Variants in CERS6 observed in about 807,000 individuals in gnomAD.
CERS6 encodes the protein LAG1 homolog, ceramide synthase 6.
Under a neutral mutation model 56.8 loss-of-function variants are expected in CERS6, and 26 were observed. The observed-to-expected ratio is 0.46, with a 90% CI of 0.34 to 0.63. CERS6 has a LOEUF of 0.63. Among genes scored for constraint, CERS6 ranks in the 30% least tolerant of loss-of-function variants. The pLI, the probability that CERS6 is intolerant of heterozygous loss-of-function variation, is 0.01. For missense variants in CERS6, 415 were observed against 467.5 expected, an observed-to-expected ratio of 0.89 and a Z score of 1.04; for synonymous variants, 164 against 173.3, an observed-to-expected ratio of 0.95 and a Z score of 0.42.
At chr2:168,564,583 T>C (rs1425854695) in intron 3 of CERS6, among the ~76,000 whole-genome samples, 2 of 152,216 alleles carry the variant, frequency 1.3e-5, no homozygotes, top group African/African-American at 4.8e-5. Flanking sequence ...GCTTGTTTAA[T>C]GTCAGTCACC....
intron 2 of CERS6, among the ~76,000 whole-genome samples, chr2:168,548,098 T>A (rs1358331849): frequency 6.6e-6 from 1 of 152,144 alleles, no homozygotes; most frequent in Admixed American, 6.5e-5. Context: ...TCTTGGCTTG[T>A]AGCATTGTCC....
chr2:168,465,803 T>C (rs962935469), intron 1 of CERS6, among the ~76,000 whole-genome samples: 1 of 152,182 alleles, frequency 6.6e-6, no homozygotes, highest in African/African-American at 2.4e-5. Flanking sequence ...ACAATGTGAA[T>C]GTACTTAATG....
chr2:168,704,469 G>A (rs973483644), intron 6 of CERS6, among the ~76,000 whole-genome samples: 1 of 152,022 alleles, frequency 6.6e-6, no homozygotes, highest in Non-Finnish European at 1.5e-5. Context: ...TTATAGCTCT[G>A]TCTCTCTCCC....
intron 4 of CERS6, among the ~76,000 whole-genome samples, chr2:168,686,553 G>T (rs1162886262): frequency 1.3e-5 from 2 of 151,954 alleles, no homozygotes; most frequent in Non-Finnish European, 2.9e-5. Context: ...CTGGACCTGT[G>T]GATTGTTCTG....
At chr2:168,646,126 A>G (rs972077278) in intron 4 of CERS6, among the ~76,000 whole-genome samples, 1 of 152,222 alleles carries the variant, frequency 6.6e-6, no homozygotes, top group African/African-American at 2.4e-5. Flanking sequence ...ACTGCTTTCC[A>G]CAATGGTTTA....
At position 168,667,951 on chromosome 2, in the gene CERS6, T is replaced by C. The variant is rs565482876; in HGVS notation, c.466-23083T>C. ...AGTCATGTGTGACTTGAGCATAATATTTGTATTTGGTGGGGCCTTGTAGGC... is the reference window on the plus strand; with the variant it reads ...AGTCATGTGTGACTTGAGCATAATACTTGTATTTGGTGGGGCCTTGTAGGC... On this transcript the variant is annotated intron_variant, in intron 4 of 9. Coordinates refer to ENST00000305747, the MANE Select transcript of CERS6 (RefSeq NM_203463.3). Among the ~76,000 whole-genome samples, 46 of 152,272 alleles carry C rather than the reference T, an allele frequency of 3.0e-4. 1 individual carries two copies. The South Asian group carries it at 5.4e-3, about 18-fold the overall frequency.
intron 1 of CERS6, among the ~76,000 whole-genome samples, chr2:168,486,820 T>C (rs1694285246): frequency 6.6e-6 from 1 of 152,190 alleles, no homozygotes; most frequent in Non-Finnish European, 1.5e-5. Context: ...CCTCCAAACA[T>C]TCCTTGTGAC....
chr2:168,767,126 A>G (rs1478251253), intron 9 of CERS6, among the ~76,000 whole-genome samples: 2 of 152,314 alleles, frequency 1.3e-5, no homozygotes, highest in South Asian at 2.1e-4. Context: ...TGCTATTTCT[A>G]CCAGACTTGT....
At chr2:168,620,614 G>T (rs959737157) in intron 3 of CERS6, among the ~76,000 whole-genome samples, 1 of 152,056 alleles carries the variant, frequency 6.6e-6, no homozygotes, top group Non-Finnish European at 1.5e-5. Context: ...ATTGTTAATA[G>T]ATATGGATTT....
intron 8 of CERS6, among the ~76,000 whole-genome samples, chr2:168,748,769 G>A (rs758175757): frequency 8.0e-5 from 12 of 149,304 alleles, no homozygotes; most frequent in Non-Finnish European, 1.0e-4. Context: ...CAAGGTCTAC[G>A]GCACATCTAT....
intron 1 of CERS6, among the ~76,000 whole-genome samples, chr2:168,541,627 T>C (rs1482726054): frequency 6.6e-6 from 1 of 152,174 alleles, no homozygotes; most frequent in Non-Finnish European, 1.5e-5. Flanking sequence ...TTTGTGGAGA[T>C]GGTGGATTTT....
At chr2:168,515,842 A>G (rs1260957271) in intron 1 of CERS6, among the ~76,000 whole-genome samples, 1 of 152,222 alleles carries the variant, frequency 6.6e-6, no homozygotes, top group African/African-American at 2.4e-5. Flanking sequence ...ACTACTCTGT[A>G]GCTTTCTGGG....
Position 168,695,012 on chromosome 2 carries a change from G to T in CERS6, c.570G>T (p.Trp190Cys). 1 of 1,613,368 alleles carries T rather than the reference G, an allele frequency of 6.2e-7. No homozygotes were observed. The highest frequency in any genetic ancestry group is 8.5e-7 in the Non-Finnish European group (1 of 1,179,600). ...ACATCCTGGAGCTGTCGTTTTATTG[G>T]TCTTTGATGTTTTCTCAGTTCACTG... The part of the protein sequence containing the change: ...YYYILELSFY[W>C]SLMFSQFTDI... Residue 190 changes from tryptophan (W) to cysteine (C), a missense_variant, in exon 6 of 10, where the codon TGG becomes TGT. Transcript: ENST00000305747.
At chr2:168,746,414 G>A (rs1225029411) in intron 8 of CERS6, among the ~76,000 whole-genome samples, 1 of 152,042 alleles carries the variant, frequency 6.6e-6, no homozygotes, top group African/African-American at 2.4e-5. Context: ...AAGATGTGCA[G>A]TCTCCACTAA....
At chr2:168,598,881 G>C (rs1449202356) in intron 3 of CERS6, among the ~76,000 whole-genome samples, 1 of 152,128 alleles carries the variant, frequency 6.6e-6, no homozygotes. Context: ...CTGGAACATG[G>C]TCACAACTAA....
At chr2:168,747,162 T>C (rs1684132214) in intron 8 of CERS6, among the ~76,000 whole-genome samples, 1 of 152,028 alleles carries the variant, frequency 6.6e-6, no homozygotes, top group Non-Finnish European at 1.5e-5. Flanking sequence ...GGTGCATGCC[T>C]ATGGTCCCAG....
Position 168,631,551 on chromosome 2 carries a change from T to A in CERS6, c.465+509T>A. Among the ~76,000 whole-genome samples the A allele has an allele frequency of 1.7e-5, 2 of 118,986 alleles. 1 individual carries two copies. Among genetic ancestry groups the A allele is most frequent in the Non-Finnish European group, 3.2e-5 (2 of 61,802 alleles). The allele number at this position is 118,986 out of a possible 152,430, so 78.1% of individuals were successfully genotyped here. On this transcript the variant is annotated intron_variant, in intron 4 of 9. Coordinates refer to ENST00000305747, the MANE Select transcript of CERS6 (RefSeq NM_203463.3). ...AAATACATATTAAATATATTATATT[T>A]TTAATATTTATATATTAAATATAAT...
chr2:168,749,784 C>T (rs117242348), intron 8 of CERS6, among the ~76,000 whole-genome samples: 1 of 152,302 alleles, frequency 6.6e-6, no homozygotes, highest in East Asian at 1.9e-4. Context: ...GGCTTCTTGG[C>T]TTTGCCCAGG....
In CERS6 at chr2:168,714,116, G is replaced by A. The variant is rs114029462; in HGVS notation, c.610-885G>A. On this transcript the variant is annotated intron_variant, in intron 6 of 9. Coordinates refer to ENST00000305747, the MANE Select transcript of CERS6 (RefSeq NM_203463.3). ...AGATGGTGCTTCTAGCTGTGTCTTC[G>A]TATGGTGGAAGGGGCAAAGCAGTTC... Among the ~76,000 whole-genome samples, 607 of 152,216 alleles carry A rather than the reference G, an allele frequency of 4.0e-3. 4 individuals are homozygous for A. Among genetic ancestry groups the A allele is most frequent in the African/African-American group, 0.014 (567 of 41,522 alleles).
Sources: allele counts gnomAD v4.1 joint callset (sites outside exome capture counted in the v4.1 genomes callset), GRCh38; gene constraint gnomAD v4.1.1; transcripts MANE v1.5; gene names NCBI Gene and HGNC (gene_info 2026-07-23, HGNC 2026-07-21).